JRK: variants seen among roughly 807,000 people sequenced by gnomAD.
JRK encodes the protein jerky protein homolog.
For synonymous variants in JRK, 303 were observed against 218.1 expected (o/e 1.39, Z -3.43); for missense variants, 720 against 509.2 (o/e 1.41, Z -3.98).
At position 142,669,199 on chromosome 8, in the gene JRK, T is replaced by TGTGC. The variant is rs1357904924; in HGVS notation, c.-463+732_-463+733insGCAC. 3.8e-3 allele frequency among the ~76,000 whole-genome samples: 237 copies of TGTGC among 61,596 alleles called. 1 individual carries two copies. The highest frequency in any genetic ancestry group is 0.017 in the African/African-American group (219 of 12,756). The allele number at this position is 61,596 out of a possible 152,430, so 40.4% of individuals were successfully genotyped here. On this transcript the variant is annotated intron_variant, in intron 1 of 1. Coordinates refer to ENST00000612905, the MANE Select transcript of JRK (RefSeq NM_003724.4). ...GTGTGTGTGTGTGTGTGTGTGTGTG[T>TGTGC]GCGTGTGTGTGTTGGGGGGTATGGA... is the stretch of plus-strand genomic sequence containing the variant.
rs587735992 is a variant in JRK, at chr8:142,667,817, T to C, written c.-462-1297A>G. ...TCCTATATAAAGACAATGCGGGTCA[T>C]TCTCATCCCTTCTAGGTGGACAATT... On this transcript the variant is annotated intron_variant, in intron 1 of 1. Coordinates refer to ENST00000612905, the MANE Select transcript of JRK (RefSeq NM_003724.4). Among the ~76,000 whole-genome samples the C allele has an allele frequency of 4.6e-5, 7 of 152,332 alleles. No homozygotes were observed. In the East Asian group the frequency reaches 1.2e-3, roughly 25 times the overall value.
At chr8:142,651,555 TTTTTG>T in the JRK span, among the ~76,000 whole-genome samples, 69,843 of 141,950 alleles carry the variant, frequency 0.49, 17,127 homozygotes, top group Admixed American at 0.61. Flanking sequence ...TTTTTTTTTT[TTTTTG>T]GTGGGAATTT....
rs1847123661 is a variant in JRK at position 142,666,173 on chromosome 8, T to C, written c.-115A>G. On this transcript the variant is annotated 5_prime_UTR_variant, in exon 2 of 2. Transcript: ENST00000612905. ...GGGCTCCGTCTCTCCCTCTCCACTC[T>C]GCCTGCCTGCTCTGCTGATCCTGAG... The C allele has an allele frequency of 2.6e-6, 4 of 1,531,902 alleles. No individual in the cohort carries two copies. The highest frequency in any genetic ancestry group is 3.9e-5 in the Admixed American group (2 of 50,806). 94.9% of individuals were successfully genotyped at this position (1,531,902 alleles called of 1,614,324 possible). A position where few individuals can be genotyped will look rare whatever the true frequency, so the allele number is the denominator to read the frequency against.
chr8:142,648,127 A>T, the JRK span, among the ~76,000 whole-genome samples: 1 of 152,246 alleles, frequency 6.6e-6, no homozygotes, highest in African/African-American at 2.4e-5. Context: ...TCAAGAGGTG[A>T]CTTGGGTGCT....
chr8:142,665,281 C>A lies in JRK; in HGVS notation c.778G>T (p.Ala260Ser). ...LPVAYKAQGN[A>S]WVDKEIFSDW... ...GAAAAAATCTCCTTGTCCACCCAGG[C>A]GTTCCCCTGGGCCTTATAGGCGACG... Residue 260 changes from alanine to serine, a missense_variant, in exon 2 of 2, where the codon GCC (alanine) becomes TCC (serine). Physicochemically the swap from Ala to Ser is moderately conservative, Grantham distance 99. Coordinates refer to ENST00000612905, the MANE Select transcript of JRK (RefSeq NM_003724.4). The A allele has an allele frequency of 1.4e-6, 1 of 717,896 alleles. No homozygotes were observed. Among genetic ancestry groups the A allele is most frequent in the East Asian group, 2.7e-5 (1 of 37,274 alleles). 44.5% of individuals were successfully genotyped at this position (717,896 alleles called of 1,614,324 possible).
downstream of JRK, among the ~76,000 whole-genome samples, chr8:142,654,727 C>T (rs74190058): frequency 0.011 from 1,696 of 151,958 alleles, 28 homozygotes; most frequent in East Asian, 0.061. Flanking sequence ...CCTGCCCAGG[C>T]GCCCTGCCCA....
chr8:142,665,820 G>T lies in JRK; in HGVS notation c.239C>A (p.Thr80Lys), dbSNP rs1554635899. ...GTGCTCCAGCTTGGGCGTGTGCAGC[G>T]TGCGCCGCTGCTCCAGCGCCTTGTT... is the stretch of plus-strand genomic sequence containing the variant. ...DSNKALEQRR[T>K]LHTPKLEHLD... is the part of the protein sequence containing the mutation. Residue 80 changes from threonine to lysine, a missense_variant, in exon 2 of 2, where the codon ACG becomes AAG. Transcript: ENST00000612905. The T allele has an allele frequency of 1.3e-6, 1 of 779,034 alleles. No homozygotes were observed. Among genetic ancestry groups the T allele is most frequent in the South Asian group, 1.3e-5 (1 of 74,366 alleles). The allele number at this position is 779,034 out of a possible 1,614,324, so 48.3% of individuals were successfully genotyped here.
rs1554635052 is a variant in JRK at position 142,664,302 on chromosome 8, A to C, written c.*50T>G. The C allele has an allele frequency of 2.0e-6, 3 of 1,506,850 alleles. No individual in the cohort carries two copies. In the South Asian group the frequency reaches 4.0e-5, roughly 20 times the overall value. The allele number at this position is 1,506,850 out of a possible 1,614,324, so 93.3% of individuals were successfully genotyped here. ...TCGGGGCACAGGACCATGCCACTCC[A>C]GGGTGTGGGGAGAAACAGGGCCAGT... On this transcript the variant is annotated 3_prime_UTR_variant, in exon 2 of 2. Transcript: ENST00000612905.
At chr8:142,669,175 T>TGTA (rs1847232796) in intron 1 of JRK, among the ~76,000 whole-genome samples, 1 of 103,140 alleles carries the variant, frequency 9.7e-6, no homozygotes, top group Non-Finnish European at 2.0e-5. Flanking sequence ...TGTGTGTGTG[T>TGTA]GTGTGTGTGT....
Position 142,663,970 on chromosome 8 carries a change from C to A in JRK, c.*382G>T. ...CCTGTCGGCCTGGAGGGCAACTTCT[C>A]TCCACGTGGACAGACTGACATCTCC... On this transcript the variant is annotated 3_prime_UTR_variant, in exon 2 of 2. Coordinates refer to ENST00000612905, the MANE Select transcript of JRK (RefSeq NM_003724.4). 1 of 1,021,574 alleles carries A rather than the reference C, an allele frequency of 9.8e-7. No homozygotes were observed. The highest frequency in any genetic ancestry group is 1.2e-6 in the Non-Finnish European group (1 of 854,204). 63.3% of individuals were successfully genotyped at this position (1,021,574 alleles called of 1,614,324 possible).
In JRK at chr8:142,664,767, T is replaced by G. The variant is rs782206054; in HGVS notation, c.1292A>C (p.Gln431Pro). The G allele has an allele frequency of 5.0e-6, 8 of 1,590,054 alleles. No individual in the cohort carries two copies. The highest frequency in any genetic ancestry group is 6.0e-6 in the Non-Finnish European group (7 of 1,168,986). ...LVKEGSSCPG[Q>P]LRQRQAASWG... ...GCTGGCGGCCTGGCGCTGGCGAAGCTGGCCCGGGCAGGAGGAGCCTTCCTT... is the reference window on the plus strand; with the variant it reads ...GCTGGCGGCCTGGCGCTGGCGAAGCGGGCCCGGGCAGGAGGAGCCTTCCTT... Residue 431 changes from glutamine (Q) to proline (P), a missense_variant, in exon 2 of 2, where the codon CAG (glutamine) becomes CCG (proline). By Grantham distance (76) the Gln-to-Pro change is moderately conservative. Transcript: ENST00000612905.
chr8:142,659,549 C>G lies in JRK; in HGVS notation c.*4803G>C. 1 of 985,720 alleles carries G rather than the reference C, an allele frequency of 1.0e-6. No homozygotes were observed. Among genetic ancestry groups the G allele is most frequent in the Non-Finnish European group, 1.2e-6 (1 of 830,142 alleles). 61.1% of individuals were successfully genotyped at this position (985,720 alleles called of 1,614,324 possible). On this transcript the variant is annotated 3_prime_UTR_variant, in exon 2 of 2. Coordinates refer to ENST00000612905, the MANE Select transcript of JRK (RefSeq NM_003724.4). ...GCCTCCCACAATCTGCCCCTGGGTGCAGGGCCTTGAGCAGGGAGGCCATCG... is the reference window on the plus strand; with the variant it reads ...GCCTCCCACAATCTGCCCCTGGGTGGAGGGCCTTGAGCAGGGAGGCCATCG...
rs1554636158 is a variant in JRK, at chr8:142,666,440, G to A, written c.-382C>T. 2 of 365,968 alleles carry A rather than the reference G, an allele frequency of 5.5e-6. No homozygotes were observed. Among genetic ancestry groups the A allele is most frequent in the Non-Finnish European group, 1.1e-5 (2 of 182,824 alleles). The allele number at this position is 365,968 out of a possible 1,614,324, so 22.7% of individuals were successfully genotyped here. ...CTCCCCTCAAACTGACCAGGTTTGG[G>A]GTGGTAGAGGTTTTACCGCATAAGC... On this transcript the variant is annotated 5_prime_UTR_variant, in exon 2 of 2. Transcript: ENST00000612905.
chr8:142,645,748 C>G, the JRK span, among the ~76,000 whole-genome samples: 1 of 152,066 alleles, frequency 6.6e-6, no homozygotes, highest in South Asian at 2.1e-4. Flanking sequence ...CATGCTTGGA[C>G]TTTTTGGGTT....
Position 142,658,838 on chromosome 8 carries a change from G to A in JRK, c.*5514C>T, listed in dbSNP as rs2129686748. ...GGGTCTTACCCAGCACTGCCATGTG[G>A]CAGAAGTTCTCCAACATTATGTCTC... On this transcript the variant is annotated 3_prime_UTR_variant, in exon 2 of 2. Transcript: ENST00000612905. 6.2e-7 allele frequency: 1 copy of A among 1,609,922 alleles called. No individual in the cohort carries two copies. Among genetic ancestry groups the A allele is most frequent in the Non-Finnish European group, 8.5e-7 (1 of 1,178,052 alleles).
the JRK span, among the ~76,000 whole-genome samples, chr8:142,645,669 G>A: frequency 9.0e-5 from 12 of 133,350 alleles, no homozygotes; most frequent in Admixed American, 1.0e-3. Context: ...GACAGAGCAA[G>A]ACTCCATCTC....
intron 1 of JRK, among the ~76,000 whole-genome samples, chr8:142,667,807 A>T (rs1027367010): frequency 2.0e-5 from 3 of 152,152 alleles, no homozygotes; most frequent in Non-Finnish European, 4.4e-5. Flanking sequence ...TATAAAGACA[A>T]TGCGGGTCAT....
the JRK span, among the ~76,000 whole-genome samples, chr8:142,645,944 C>A: frequency 6.6e-6 from 1 of 151,938 alleles, no homozygotes; most frequent in Non-Finnish European, 1.5e-5. Flanking sequence ...TATATATGAC[C>A]TTTAAATAAG....
rs74911193 is a variant in JRK, at chr8:142,660,200, C to G, written c.*4152G>C. ...CCAACGCAGTGCCCGAGAGCTCAGC[C>G]CTTGTCAAGGAGAGTCCTCGAACCC... On this transcript the variant is annotated 3_prime_UTR_variant, in exon 2 of 2. Coordinates refer to ENST00000612905, the MANE Select transcript of JRK (RefSeq NM_003724.4). 16,431 of 985,480 alleles carry G rather than the reference C, an allele frequency of 0.017. 147 individuals are homozygous for G. Among genetic ancestry groups the G allele is most frequent in the Non-Finnish European group, 0.019 (15,490 of 829,988 alleles). The allele number at this position is 985,480 out of a possible 1,614,324, so 61.0% of individuals were successfully genotyped here.
Sources: allele counts gnomAD v4.1 joint callset (sites outside exome capture counted in the v4.1 genomes callset), GRCh38; gene constraint gnomAD v4.1.1; transcripts MANE v1.5; gene names NCBI Gene and HGNC (gene_info 2026-07-23, HGNC 2026-07-21).